Variants in SACS observed in about 807,000 individuals in gnomAD.
SACS encodes sacsin molecular chaperone.
In SACS, 197 loss-of-function variants were observed where a neutral mutation model predicts 348.0. The ratio of observed to expected loss-of-function variants is 0.57; its 90% CI spans 0.50 to 0.64. The LOEUF is 0.64. Among genes scored for constraint, SACS ranks in the 30% least tolerant of loss-of-function variants. The pLI, the probability that SACS is intolerant of heterozygous loss-of-function variation, is 0.00. For synonymous variants in SACS, 1,985 were observed against 1,910.6 expected (o/e 1.04, Z -1.02); for missense variants, 4,999 against 5,360.8 (o/e 0.93, Z 2.11).
At chr13:23,418,585 A>G (rs1303191925) in intron 1 of SACS, among the ~76,000 whole-genome samples, 1 of 152,038 alleles carries the variant, frequency 6.6e-6, no homozygotes, top group East Asian at 1.9e-4. Flanking sequence ...TGCTCACTGC[A>G]ACTTCCGCCT....
chr13:23,393,855 G>A (rs2137905196), intron 2 of SACS, among the ~76,000 whole-genome samples: 1 of 152,198 alleles, frequency 6.6e-6, no homozygotes, highest in Admixed American at 6.5e-5. Flanking sequence ...CCGCCTCCTG[G>A]GTTCACACCA....
intron 1 of SACS, among the ~76,000 whole-genome samples, chr13:23,417,652 G>A (rs962433613): frequency 1.2e-4 from 18 of 152,150 alleles, no homozygotes; most frequent in African/African-American, 3.6e-4. Flanking sequence ...ACATAAGTGA[G>A]AAAATCAAAC....
At position 23,334,958 on chromosome 13, in the gene SACS, T is replaced by C; in HGVS notation, c.8918A>G (p.Asp2973Gly). 6.2e-7 allele frequency: 1 copy of C among 1,613,926 alleles called. No individual in the cohort carries two copies. The highest frequency in any genetic ancestry group is 8.5e-7 in the Non-Finnish European group (1 of 1,179,860). Residue 2973 changes from aspartate (D) to glycine (G), a missense_variant, in exon 10 of 10, where the codon GAT becomes GGT. Physicochemically the swap from Asp to Gly is moderately conservative, Grantham distance 94. Transcript: ENST00000382292. ...FPVNRLDLQP[D>G]LYCLVKALYN... Reference sequence around the variant, plus strand: ...AAGTGCTTTCACTAGACAATATAAATCTGGCTGTAGATCAAGACGGTTAAC... The same window carrying C: ...AAGTGCTTTCACTAGACAATATAAACCTGGCTGTAGATCAAGACGGTTAAC...
In SACS at chr13:23,336,104, T is replaced by C; in HGVS notation, c.7772A>G (p.Tyr2591Cys). The stretch of plus-strand genomic sequence containing the variant: ...ATCTTCTGTAAATGGCTGGTTGTTG[T>C]ACACACAAAGTGCTGGCCCTTGCAA... ...APLQGPALCV[Y>C]NNQPFTEDDV... The change falls in exon 10 of 10, where the codon TAC becomes TGC. Residue 2591 changes from tyrosine to cysteine, a missense_variant. Tyr to Cys is a radical substitution (Grantham distance 194). Around this residue, in one of 6 missense-constraint regions of SACS, gnomAD observed 3,156 missense variants for 3,380.1 expected, o/e 0.93. Transcript: ENST00000382292. 6.2e-7 allele frequency: 1 copy of C among 1,611,646 alleles called. No homozygotes were observed. Among genetic ancestry groups the C allele is most frequent in the Non-Finnish European group, 8.5e-7 (1 of 1,178,090 alleles).
chr13:23,354,150 C>T (rs966525621), intron 8 of SACS, among the ~76,000 whole-genome samples: 5 of 152,074 alleles, frequency 3.3e-5, no homozygotes, highest in African/African-American at 4.8e-5. Context: ...AGTACACTCT[C>T]GTTTATAAAG....
In SACS at chr13:23,335,101, C is replaced by T. The variant is rs1160802195; in HGVS notation, c.8775G>A (p.Leu2925=). 1 of 1,613,676 alleles carries T rather than the reference C, an allele frequency of 6.2e-7. No homozygotes were observed. The highest frequency in any genetic ancestry group is 8.5e-7 in the Non-Finnish European group (1 of 1,179,846). Residue 2925 remains leucine (L), a synonymous_variant, in exon 10 of 10, where the codon TTG becomes TTA. Coordinates refer to ENST00000382292, the MANE Select transcript of SACS (RefSeq NM_014363.6). The surrounding 1 kb of genome is among the most constrained non-coding windows in gnomAD (Gnocchi z 4.7). ...TALIAPAYVE[L]LIQLKKRYFP... ...AATACCGTTTTTTTAACTGTATTAG[C>T]AATTCAACATATGCAGGAGCTATTA...
At position 23,335,912 on chromosome 13, in the gene SACS, G is replaced by A. The variant is rs199732159; in HGVS notation, c.7964C>T (p.Ala2655Val). 1.9e-6 allele frequency: 3 copies of A among 1,612,730 alleles called. No individual in the cohort carries two copies. In the East Asian group the frequency reaches 6.7e-5, roughly 36 times the overall value. Residue 2655 changes from alanine to valine, a missense_variant, in exon 10 of 10, where the codon GCA becomes GTA. Coordinates refer to ENST00000382292, the MANE Select transcript of SACS (RefSeq NM_014363.6). The surrounding 1 kb of genome is among the most constrained non-coding windows in gnomAD (Gnocchi z 4.7). ...LCIFDPHARY[A>V]PGATSISPGR... Reference sequence around the variant, plus strand: ...GGGACTAATGGATGTGGCCCCTGGTGCATATCTGGCATGAGGATCAAAAAT... The same window carrying A: ...GGGACTAATGGATGTGGCCCCTGGTACATATCTGGCATGAGGATCAAAAAT...
At chr13:23,378,449 C>T (rs1871901303) in intron 2 of SACS, among the ~76,000 whole-genome samples, 1 of 152,068 alleles carries the variant, frequency 6.6e-6, no homozygotes, top group African/African-American at 2.4e-5. Context: ...TCGATCACCA[C>T]CTTTGATTAA....
At position 23,429,422 on chromosome 13, in the gene SACS, G is replaced by A. The variant is rs567152513; in HGVS notation, c.-502+4193C>T. Among the ~76,000 whole-genome samples, 7 of 134,246 alleles carry A rather than the reference G, an allele frequency of 5.2e-5. No homozygotes were observed. In the East Asian group the frequency reaches 1.7e-3, roughly 32 times the overall value. The allele number at this position is 134,246 out of a possible 152,430, so 88.1% of individuals were successfully genotyped here. On this transcript the variant is annotated intron_variant, in intron 1 of 9. Transcript: ENST00000382292. Reference sequence around the variant, plus strand: ...CTGTCACCCGGGCTGGAGTGCAGTGGTGCGATATCGGCTCACTGCAAGCTC... The same window carrying A: ...CTGTCACCCGGGCTGGAGTGCAGTGATGCGATATCGGCTCACTGCAAGCTC...
intron 2 of SACS, among the ~76,000 whole-genome samples, chr13:23,384,805 A>G (rs1872206788): frequency 6.6e-6 from 1 of 152,200 alleles, no homozygotes; most frequent in African/African-American, 2.4e-5. Flanking sequence ...TGGCACAGGA[A>G]TACCTCAGAG....
chr13:23,337,464 C>G lies in SACS; in HGVS notation c.6412G>C (p.Asp2138His), dbSNP rs2137609943. Residue 2138 changes from aspartate (D) to histidine (H), a missense_variant, in exon 10 of 10, where the codon GAT (aspartate) becomes CAT (histidine). This residue lies in a region of SACS where 3,156 missense variants were observed against 3,380.1 expected (regional missense o/e 0.93). Coordinates refer to ENST00000382292, the MANE Select transcript of SACS (RefSeq NM_014363.6). ...ATCAAAATAATAGGATTGAGATAAT[C>G]CTGAGTAGAACCATAAGGGAATCTC... ...DGRFPYGSTQDYLNPIILIKL... is the reference protein window; with the variant it reads ...DGRFPYGSTQHYLNPIILIKL... The G allele has an allele frequency of 1.2e-6, 2 of 1,613,508 alleles. No homozygotes were observed. Among genetic ancestry groups the G allele is most frequent in the East Asian group, 4.5e-5 (2 of 44,864 alleles).
At chr13:23,407,005 G>C (rs1402597858) in intron 2 of SACS, among the ~76,000 whole-genome samples, 1 of 152,076 alleles carries the variant, frequency 6.6e-6, no homozygotes, top group Non-Finnish European at 1.5e-5. Flanking sequence ...TCCACACTCT[G>C]CTCCAGGAAA....
At chr13:23,344,811 G>C (rs1188317867) in intron 9 of SACS, among the ~76,000 whole-genome samples, 1 of 152,204 alleles carries the variant, frequency 6.6e-6, no homozygotes, top group Non-Finnish European at 1.5e-5. Context: ...ACTCTTCCAA[G>C]AGTAGCTTTT....
chr13:23,384,236 G>A (rs1593166192), intron 2 of SACS, among the ~76,000 whole-genome samples: 2 of 152,206 alleles, frequency 1.3e-5, no homozygotes, highest in South Asian at 2.1e-4. Context: ...GGTGACTTCC[G>A]CCTTCGTAGA....
chr13:23,354,078 A>C (rs1011547908), intron 8 of SACS, among the ~76,000 whole-genome samples: 2 of 152,236 alleles, frequency 1.3e-5, no homozygotes, highest in African/African-American at 4.8e-5. Flanking sequence ...CATGTACTTT[A>C]CTCAAATTCA....
intron 1 of SACS, among the ~76,000 whole-genome samples, chr13:23,422,014 C>T (rs540220792): frequency 9.9e-5 from 15 of 152,096 alleles, no homozygotes; most frequent in Non-Finnish European, 2.1e-4. Flanking sequence ...TATTTACCTA[C>T]GGCCTGGGCG....
chr13:23,431,927 AC>A (rs1874448188), intron 1 of SACS, among the ~76,000 whole-genome samples: 3 of 152,364 alleles, frequency 2.0e-5, no homozygotes, highest in Admixed American at 2.0e-4. Context: ...TAGATGGTGG[AC>A]TGAGTGAGAA....
chr13:23,433,542 A>G (rs1874522770), intron 1 of SACS, 73 bp downstream of exon 1: 1 of 152,270 alleles, frequency 6.6e-6, no homozygotes. Flanking sequence ...CAACAACACC[A>G]TGGAGCCTGC....
intron 1 of SACS, among the ~76,000 whole-genome samples, chr13:23,432,665 T>TTTATTA (rs139886400): frequency 0.01 from 1,596 of 152,066 alleles, 37 homozygotes; most frequent in African/African-American, 0.036. Flanking sequence ...TTGTCAATTA[T>TTTATTA]TTATTATTAT....
Sources: allele counts gnomAD v4.1 joint callset (sites outside exome capture counted in the v4.1 genomes callset), GRCh38; gene constraint gnomAD v4.1.1; regional missense constraint gnomAD v4.1.1; non-coding constraint Gnocchi (gnomAD v3.1); transcripts MANE v1.5; gene names NCBI Gene and HGNC (gene_info 2026-07-23, HGNC 2026-07-21).